The following HOXD4 variants were observed in gnomAD, a reference collection of about 807,000 sequenced individuals.
HOXD4 encodes the protein homeobox D4, also known as homeobox protein Hox-D4.
In HOXD4, 15 loss-of-function variants were observed where a neutral mutation model predicts 22.6. That is an observed-to-expected ratio of 0.67 (90% CI 0.45 to 1.02). HOXD4 has a LOEUF of 1.02. HOXD4 is among the 50% of genes least tolerant of loss of function. The pLI is 0.00. For missense variants in HOXD4, 350 were observed against 346.6 expected (o/e 1.01, Z -0.08); for synonymous variants, 176 against 157.0 (o/e 1.12, Z -0.90).
chr2:176,152,916 C>T lies in HOXD4; in HGVS notation c.742C>T (p.His248Tyr). 4.3e-6 allele frequency: 7 copies of T among 1,614,176 alleles called. No individual in the cohort carries two copies. Among genetic ancestry groups the T allele is most frequent in the Non-Finnish European group, 5.9e-6 (7 of 1,180,030 alleles). ...GCATTTACAGCCGATGGCCAAAGAC[C>T]ACCACACGGACCTGACGACCTTATA... is the stretch of plus-strand genomic sequence containing the variant. ...SQHLQPMAKD[H>Y]HTDLTTL Residue 248 changes from histidine to tyrosine, a missense_variant, in exon 2 of 2, where the codon CAC becomes TAC. Coordinates refer to ENST00000306324, the MANE Select transcript of HOXD4 (RefSeq NM_014621.3). The surrounding 1 kb of genome is among the most constrained non-coding windows in gnomAD (Gnocchi z 5.2).
In HOXD4 at chr2:176,152,508, C is replaced by T; in HGVS notation, c.434-100C>T. 9.8e-7 allele frequency: 1 copy of T among 1,019,508 alleles called. No homozygotes were observed. Among genetic ancestry groups the T allele is most frequent in the Non-Finnish European group, 1.5e-6 (1 of 660,262 alleles). 63.2% of individuals were successfully genotyped at this position (1,019,508 alleles called of 1,614,324 possible). ...CGAGCTTGGGAGCGCGCGGGGAGGG[C>T]CGCGGGCCTCGGGGCGCGCCAGGAA... On this transcript the variant is annotated intron_variant, in intron 1 of 1. Transcript: ENST00000306324. This position sits in a 1 kb window ranked among gnomAD's most constrained non-coding sequence, Gnocchi z 5.2.
chr2:176,152,495 C>A lies in HOXD4; in HGVS notation c.434-113C>A. On this transcript the variant is annotated intron_variant, in intron 1 of 1. Transcript: ENST00000306324. The surrounding 1 kb of genome is among the most constrained non-coding windows in gnomAD (Gnocchi z 5.2). ...GGGAGGAAGCAAGCGAGCTTGGGAG[C>A]GCGCGGGGAGGGCCGCGGGCCTCGG... 2.3e-6 allele frequency: 2 copies of A among 866,088 alleles called. No homozygotes were observed. The highest frequency in any genetic ancestry group is 1.9e-6 in the Non-Finnish European group (1 of 527,766). The allele number at this position is 866,088 out of a possible 1,614,324, so 53.7% of individuals were successfully genotyped here.
Position 176,152,966 on chromosome 2 carries a change from C to G in HOXD4, c.*24C>G. On this transcript the variant is annotated 3_prime_UTR_variant, in exon 2 of 2. Coordinates refer to ENST00000306324, the MANE Select transcript of HOXD4 (RefSeq NM_014621.3). This position sits in a 1 kb window ranked among gnomAD's most constrained non-coding sequence, Gnocchi z 5.2. The stretch of plus-strand genomic sequence containing the variant: ...AGAAGTGGGGACCCTGGGCCCATCT[C>G]TCCCTGCGCACCAGGCTGAGCCGAA... 6.2e-7 allele frequency: 1 copy of G among 1,607,412 alleles called. No homozygotes were observed. The highest frequency in any genetic ancestry group is 1.1e-5 in the South Asian group (1 of 90,948).
chr2:176,151,620 A>G lies in HOXD4; in HGVS notation c.-14A>G. 1.2e-6 allele frequency: 2 copies of G among 1,606,534 alleles called. No homozygotes were observed. Among genetic ancestry groups the G allele is most frequent in the African/African-American group, 1.3e-5 (1 of 74,930 alleles). ...AACACGAGAAAAATTAGTATTTTCT[A>G]CCTTCTGAAATTAATGGTCATGAGT... On this transcript the variant is annotated 5_prime_UTR_variant, in exon 1 of 2. Transcript: ENST00000306324.
Position 176,151,857 on chromosome 2 carries a change from C to G in HOXD4, c.224C>G (p.Ala75Gly), listed in dbSNP as rs1440241547. ...SGPGPGSALPARGHGQEPGGP... is the reference protein window; with the variant it reads ...SGPGPGSALPGRGHGQEPGGP... ...CCCGGGCCTGGCTCGGCGCTGCCTGCGCGGGGTCACGGACAAGAGCCAGGC... is the reference window on the plus strand; with the variant it reads ...CCCGGGCCTGGCTCGGCGCTGCCTGGGCGGGGTCACGGACAAGAGCCAGGC... Residue 75 changes from alanine (A) to glycine (G), a missense_variant, in exon 1 of 2, where the codon GCG becomes GGG. Transcript: ENST00000306324. 6.3e-7 allele frequency: 1 copy of G among 1,588,468 alleles called. No homozygotes were observed. Among genetic ancestry groups the G allele is most frequent in the South Asian group, 1.1e-5 (1 of 89,118 alleles).
In HOXD4 at chr2:176,151,950, C is replaced by G. The variant is rs1311430228; in HGVS notation, c.317C>G (p.Pro106Arg). 3 of 1,610,672 alleles carry G rather than the reference C, an allele frequency of 1.9e-6. No individual in the cohort carries two copies. Among genetic ancestry groups the G allele is most frequent in the South Asian group, 1.1e-5 (1 of 90,924 alleles). Residue 106 changes from proline (P) to arginine (R), a missense_variant, in exon 1 of 2, where the codon CCC (proline) becomes CGC (arginine). Coordinates refer to ENST00000306324, the MANE Select transcript of HOXD4 (RefSeq NM_014621.3). ...GCTCCCCCGGCGCCTCCGCCGGCGC[C>G]CCTGCCTGGCGCCCGGGCCTACAGT... Reference protein sequence around the residue: ...CPAPPAPPPAPLPGARAYSQS... With the variant: ...CPAPPAPPPARLPGARAYSQS...
At position 176,151,886 on chromosome 2, in the gene HOXD4, C is replaced by T; in HGVS notation, c.253C>T (p.Pro85Ser). 6.3e-7 allele frequency: 1 copy of T among 1,585,640 alleles called. No individual in the cohort carries two copies. Among genetic ancestry groups the T allele is most frequent in the East Asian group, 2.3e-5 (1 of 43,586 alleles). Residue 85 changes from proline (P) to serine (S), a missense_variant, in exon 1 of 2, where the codon CCC becomes TCC. Pro to Ser is a moderately conservative substitution (Grantham distance 74). Coordinates refer to ENST00000306324, the MANE Select transcript of HOXD4 (RefSeq NM_014621.3). ...GGGTCACGGACAAGAGCCAGGCGGC[C>T]CCGGCGGTCACTACGCCGCTCCAGG... Reference protein sequence around the residue: ...ARGHGQEPGGPGGHYAAPGEP... With the variant: ...ARGHGQEPGGSGGHYAAPGEP...
In HOXD4 at chr2:176,151,930, C is replaced by CCCGGCGCCTCCG. The variant is rs1402578541; in HGVS notation, c.306_317dup (p.Pro103_Pro106dup). 3.7e-6 allele frequency: 6 copies of CCCGGCGCCTCCG among 1,605,126 alleles called. No individual in the cohort carries two copies. Among genetic ancestry groups the CCCGGCGCCTCCG allele is most frequent in the Non-Finnish European group, 5.1e-6 (6 of 1,175,868 alleles). ...CTCCAGGAGAGCCTTGCCCAGCTCCCCCGGCGCCTCCGCCGGCGCCCCTGC... is the reference window on the plus strand; with the variant it reads ...CTCCAGGAGAGCCTTGCCCAGCTCCCCCGGCGCCTCCGCCGGCGCCTCCGCCGGCGCCCCTGC... On this transcript the variant is annotated inframe_insertion, in exon 1 of 2. Coordinates refer to ENST00000306324, the MANE Select transcript of HOXD4 (RefSeq NM_014621.3).
chr2:176,152,578 C>A lies in HOXD4; in HGVS notation c.434-30C>A. ...GGCCTAACTAGTGGCCGGGCGCTGA[C>A]CTGCCTGTCCTGTCTGTTTTGTCTC... On this transcript the variant is annotated intron_variant, in intron 1 of 1. Coordinates refer to ENST00000306324, the MANE Select transcript of HOXD4 (RefSeq NM_014621.3). This position sits in a 1 kb window ranked among gnomAD's most constrained non-coding sequence, Gnocchi z 5.2. 6.3e-7 allele frequency: 1 copy of A among 1,591,644 alleles called. No individual in the cohort carries two copies. Among genetic ancestry groups the A allele is most frequent in the Non-Finnish European group, 8.6e-7 (1 of 1,160,414 alleles).
Position 176,152,351 on chromosome 2 carries a change from C to T in HOXD4, c.434-257C>T, listed in dbSNP as rs763157500. On this transcript the variant is annotated intron_variant, in intron 1 of 1. Coordinates refer to ENST00000306324, the MANE Select transcript of HOXD4 (RefSeq NM_014621.3). This position sits in a 1 kb window ranked among gnomAD's most constrained non-coding sequence, Gnocchi z 5.2. ...GGATTTCCAAAATGCTTGAGGGTTC[C>T]GGACCTGGTGGTGGGCCCAGAAGAA... Among the ~76,000 whole-genome samples, 4 of 151,870 alleles carry T rather than the reference C, an allele frequency of 2.6e-5. No homozygotes were observed. Among genetic ancestry groups the T allele is most frequent in the Non-Finnish European group, 5.9e-5 (4 of 68,004 alleles).
chr2:176,151,554 G>T lies in HOXD4; in HGVS notation c.-80G>T. 1.5e-6 allele frequency: 2 copies of T among 1,291,780 alleles called. No individual in the cohort carries two copies. Among genetic ancestry groups the T allele is most frequent in the Non-Finnish European group, 2.2e-6 (2 of 893,494 alleles). The allele number at this position is 1,291,780 out of a possible 1,614,324, so 80.0% of individuals were successfully genotyped here. ...CATGGCTGCCCAACTTTATTCAGTT[G>T]ACAGCAAGTAGGAGGGCCCTATGGA... On this transcript the variant is annotated 5_prime_UTR_variant, in exon 1 of 2. Transcript: ENST00000306324.
rs1177092728 is a variant in HOXD4, at chr2:176,151,870, A to C, written c.237A>C (p.Gly79=). 1.9e-6 allele frequency: 3 copies of C among 1,586,636 alleles called. No individual in the cohort carries two copies. In the South Asian group the frequency reaches 3.4e-5, roughly 18 times the overall value. Reference sequence around the variant, plus strand: ...CGGCGCTGCCTGCGCGGGGTCACGGACAAGAGCCAGGCGGCCCCGGCGGTC... The same window carrying C: ...CGGCGCTGCCTGCGCGGGGTCACGGCCAAGAGCCAGGCGGCCCCGGCGGTC... The part of the protein sequence containing the change: ...PGSALPARGH[G]QEPGGPGGHY... The change falls in exon 1 of 2, where the codon GGA becomes GGC. Residue 79 remains glycine (G), a synonymous_variant. Transcript: ENST00000306324.
Position 176,153,024 on chromosome 2 carries a change from C to A in HOXD4, c.*82C>A, listed in dbSNP as rs576479801. 3.0e-6 allele frequency: 4 copies of A among 1,348,698 alleles called. No homozygotes were observed. Among genetic ancestry groups the A allele is most frequent in the Admixed American group, 3.4e-5 (2 of 58,662 alleles). The allele number at this position is 1,348,698 out of a possible 1,614,324, so 83.5% of individuals were successfully genotyped here. ...GGGCAGGCCGGGCCTGCTGTCACCT[C>A]GCTGGGCTCTAAGGTACTGTGGGGT... On this transcript the variant is annotated 3_prime_UTR_variant, in exon 2 of 2. Coordinates refer to ENST00000306324, the MANE Select transcript of HOXD4 (RefSeq NM_014621.3).
In HOXD4 at chr2:176,152,933, G is replaced by A; in HGVS notation, c.759G>A (p.Thr253=). Residue 253 remains threonine (T), a synonymous_variant, in exon 2 of 2, where the codon ACG becomes ACA. Coordinates refer to ENST00000306324, the MANE Select transcript of HOXD4 (RefSeq NM_014621.3). This position sits in a 1 kb window ranked among gnomAD's most constrained non-coding sequence, Gnocchi z 5.2. The stretch of plus-strand genomic sequence containing the variant: ...CCAAAGACCACCACACGGACCTGAC[G>A]ACCTTATAGAAGTGGGGACCCTGGG... The part of the protein sequence containing the change: ...PMAKDHHTDL[T]TL The A allele has an allele frequency of 6.2e-7, 1 of 1,614,088 alleles. No individual in the cohort carries two copies. Among genetic ancestry groups the A allele is most frequent in the Non-Finnish European group, 8.5e-7 (1 of 1,179,974 alleles).
At position 176,151,720 on chromosome 2, in the gene HOXD4, AGGCGAGCAGGGCGCCGACTACTAC is replaced by A; in HGVS notation, c.92_115del (p.Glu31_Gly38del). 6.2e-7 allele frequency: 1 copy of A among 1,613,484 alleles called. No homozygotes were observed. The highest frequency in any genetic ancestry group is 8.5e-7 in the Non-Finnish European group (1 of 1,179,962). On this transcript the variant is annotated inframe_deletion, in exon 1 of 2. Transcript: ENST00000306324. ...AGGAGTATTTGCAGGGCGGCTACCT[AGGCGAGCAGGGCGCCGACTACTAC>A]GGCGGCGGCGCGCAGGGCGCAGACT...
Position 176,153,072 on chromosome 2 carries a change from C to A in HOXD4, c.*130C>A. 6 of 877,998 alleles carry A rather than the reference C, an allele frequency of 6.8e-6. No homozygotes were observed. Among genetic ancestry groups the A allele is most frequent in the Non-Finnish European group, 9.1e-6 (5 of 547,488 alleles). 54.4% of individuals were successfully genotyped at this position (877,998 alleles called of 1,614,324 possible). On this transcript the variant is annotated 3_prime_UTR_variant, in exon 2 of 2. Transcript: ENST00000306324. ...GGTGGACCTGGGACAAGCAGGCCGC[C>A]CTCGGACTAGGTTAGCATCCTGCCC...
chr2:176,152,193 A>C lies in HOXD4; in HGVS notation c.433+127A>C, dbSNP rs2105422966. ...GGGCGCCGCAATTACTCTCCCCATAAATTTTTATAGCTGAGGGAGCAGGTC... is the reference window on the plus strand; with the variant it reads ...GGGCGCCGCAATTACTCTCCCCATACATTTTTATAGCTGAGGGAGCAGGTC... On this transcript the variant is annotated intron_variant, in intron 1 of 1. Transcript: ENST00000306324. The surrounding 1 kb of genome is among the most constrained non-coding windows in gnomAD (Gnocchi z 5.2). 6 of 611,522 alleles carry C rather than the reference A, an allele frequency of 9.8e-6. No homozygotes were observed. The highest frequency in any genetic ancestry group is 9.0e-5 in the South Asian group (6 of 66,684). The allele number at this position is 611,522 out of a possible 1,614,324, so 37.9% of individuals were successfully genotyped here. A position where few individuals can be genotyped will look rare whatever the true frequency, so the allele number is the denominator to read the frequency against.
At position 176,151,686 on chromosome 2, in the gene HOXD4, C is replaced by T. The variant is rs755750496; in HGVS notation, c.53C>T (p.Pro18Leu). Residue 18 changes from proline (P) to leucine (L), a missense_variant, in exon 1 of 2, where the codon CCT becomes CTT. Physicochemically the swap from Pro to Leu is moderately conservative, Grantham distance 98. Coordinates refer to ENST00000306324, the MANE Select transcript of HOXD4 (RefSeq NM_014621.3). Reference protein sequence around the residue: ...VNSKYVDPKFPPCEEYLQGGY... With the variant: ...VNSKYVDPKFLPCEEYLQGGY... ...TCCAAGTATGTGGACCCCAAGTTCC[C>T]TCCGTGCGAGGAGTATTTGCAGGGC... 12 of 1,613,516 alleles carry T rather than the reference C, an allele frequency of 7.4e-6. No homozygotes were observed. Among genetic ancestry groups the T allele is most frequent in the African/African-American group, 1.3e-5 (1 of 74,958 alleles).
Position 176,152,135 on chromosome 2 carries a change from G to A in HOXD4, c.433+69G>A. ...GTTAGCCTGGGTCCTCTGGAAGGGG[G>A]TGCGAGTAGGTGGGGGCGTGTGGAG... is the stretch of plus-strand genomic sequence containing the variant. On this transcript the variant is annotated intron_variant, in intron 1 of 1. Transcript: ENST00000306324. This position sits in a 1 kb window ranked among gnomAD's most constrained non-coding sequence, Gnocchi z 5.2. 1 of 1,335,846 alleles carries A rather than the reference G, an allele frequency of 7.5e-7. No homozygotes were observed. Among genetic ancestry groups the A allele is most frequent in the East Asian group, 2.3e-5 (1 of 43,040 alleles). 82.7% of individuals were successfully genotyped at this position (1,335,846 alleles called of 1,614,324 possible).
Sources: allele counts gnomAD v4.1 joint callset (sites outside exome capture counted in the v4.1 genomes callset), GRCh38; gene constraint gnomAD v4.1.1; non-coding constraint Gnocchi (gnomAD v3.1); transcripts MANE v1.5; gene names NCBI Gene and HGNC (gene_info 2026-07-23, HGNC 2026-07-21).